The following DIAPH2 variants were observed in gnomAD, a reference collection of about 807,000 sequenced individuals.
The protein encoded by DIAPH2 is protein diaphanous homolog 2.
DIAPH2 carries 35 observed loss-of-function variants against 92.7 expected under a neutral mutation model. The observed-to-expected ratio is 0.38, with a 90% CI of 0.29 to 0.50. DIAPH2 has a LOEUF of 0.50. DIAPH2 is among the 20% of genes least tolerant of loss of function. The probability of loss-of-function intolerance (pLI) is 0.94; values close to 1 mark genes in which losing one functional copy is unlikely to be tolerated. For missense variants in DIAPH2, 701 were observed against 819.5 expected, an observed-to-expected ratio of 0.86 and a Z score of 1.77; for synonymous variants, 301 against 280.4, an observed-to-expected ratio of 1.07 and a Z score of -0.73.
chrX:97,467,904 G>A (rs1239048711), intron 26 of DIAPH2, among the ~76,000 whole-genome samples: 1 of 111,476 alleles, frequency 9.0e-6, no homozygotes, highest in Non-Finnish European at 1.9e-5. Flanking sequence ...AATGTTTGCA[G>A]TGGTATTTGG....
At chrX:96,950,014 G>A (rs1241959013) in intron 15 of DIAPH2, among the ~76,000 whole-genome samples, 1 of 110,592 alleles carries the variant, frequency 9.0e-6, no homozygotes, top group Non-Finnish European at 1.9e-5. Flanking sequence ...CCAATCCGGG[G>A]GCCTTTTCCT....
intron 23 of DIAPH2, among the ~76,000 whole-genome samples, chrX:97,279,255 T>G (rs1346016862): frequency 9.0e-6 from 1 of 110,885 alleles, no homozygotes; most frequent in African/African-American, 3.3e-5. Flanking sequence ...TAAACTAAAT[T>G]GATTTTTTAA....
At chrX:97,566,715 A>T (rs1253969124) in intron 26 of DIAPH2, among the ~76,000 whole-genome samples, 1 of 111,904 alleles carries the variant, frequency 8.9e-6, no homozygotes, top group Non-Finnish European at 1.9e-5. Flanking sequence ...GAAATACAAC[A>T]ACAAAGTAAC....
At chrX:97,479,198 G>A (rs989215175) in intron 26 of DIAPH2, among the ~76,000 whole-genome samples, 1 of 104,489 alleles carries the variant, frequency 9.6e-6, no homozygotes, top group Non-Finnish European at 2.0e-5. Context: ...CTTTCTTCCC[G>A]ACCCCACCCA....
chrX:96,877,125 G>A (rs1380706400), intron 4 of DIAPH2, among the ~76,000 whole-genome samples: 2 of 111,064 alleles, frequency 1.8e-5, no homozygotes, highest in Non-Finnish European at 1.9e-5. Context: ...ACCGCTATCA[G>A]AATAAATAAA....
intron 26 of DIAPH2, among the ~76,000 whole-genome samples, chrX:97,539,795 T>C (rs991042428): frequency 1.8e-5 from 2 of 111,748 alleles, no homozygotes; most frequent in African/African-American, 6.5e-5. Context: ...GAATTAATTC[T>C]ATCTTAAGAC....
rs41310689 is a variant in DIAPH2 at position 96,945,406 on chromosome X, C to T, written c.1445-121C>T. 4,115 of 476,017 alleles carry T rather than the reference C, an allele frequency of 8.6e-3. 26 individuals carry two copies. Among genetic ancestry groups the T allele is most frequent in the Middle Eastern group, 0.012 (29 of 2,440 alleles). The allele number at this position is 476,017 out of a possible 1,213,427, so 39.2% of individuals were successfully genotyped here. A position where few individuals can be genotyped will look rare whatever the true frequency, so the allele number is the denominator to read the frequency against. On this transcript the variant is annotated intron_variant, in intron 13 of 26. Transcript: ENST00000324765. ...TTTTATGTATAGTATAGGTCAATTT[C>T]CATTTAATAAGGGTTGACATAAAAA...
In DIAPH2 at chrX:96,863,267, AT is replaced by A. The variant is rs1204362811; in HGVS notation, c.448-18305del. Reference sequence around the variant, plus strand: ...TTTTTTTTTTTTTTTTTGGTTCTACATTTTTTTCCTGTACTATTTTGTACAG... The same window carrying A: ...TTTTTTTTTTTTTTTTTGGTTCTACATTTTTTCCTGTACTATTTTGTACAG... On this transcript the variant is annotated intron_variant, in intron 4 of 26. Transcript: ENST00000324765. Among the ~76,000 whole-genome samples, 8 of 79,225 alleles carry A rather than the reference AT, an allele frequency of 1.0e-4. No individual in the cohort carries two copies. In the Admixed American group the frequency reaches 1.2e-3, roughly 12 times the overall value. The allele number at this position is 79,225 out of a possible 115,157, so 68.8% of individuals were successfully genotyped here.
chrX:97,369,382 C>G (rs560389082), intron 24 of DIAPH2, among the ~76,000 whole-genome samples: 4 of 110,787 alleles, frequency 3.6e-5, no homozygotes, highest in South Asian at 7.8e-4. Context: ...CTTGAAGTCT[C>G]CAATTTAATC....
intron 17 of DIAPH2, among the ~76,000 whole-genome samples, chrX:96,978,049 A>G (rs1041213316): frequency 2.7e-5 from 3 of 112,007 alleles, no homozygotes; most frequent in African/African-American, 9.7e-5. Flanking sequence ...AAATTGTAAC[A>G]TTGCTGTATA....
At chrX:97,014,595 A>G (rs2147866526) in intron 17 of DIAPH2, among the ~76,000 whole-genome samples, 1 of 112,133 alleles carries the variant, frequency 8.9e-6, no homozygotes, top group East Asian at 2.8e-4. Context: ...TCTGAGAACT[A>G]TAGACATTTG....
At chrX:96,885,368 G>A (rs2065253107) in intron 5 of DIAPH2, 1 of 155,632 alleles carries the variant, frequency 6.4e-6, no homozygotes, top group Non-Finnish European at 1.3e-5. Context: ...TACAGAAAAT[G>A]TAGAAATTTA....
chrX:97,524,618 T>A (rs1331906093), intron 26 of DIAPH2, among the ~76,000 whole-genome samples: 2 of 111,981 alleles, frequency 1.8e-5, no homozygotes, highest in Non-Finnish European at 3.8e-5. Context: ...CTAGAAAAAA[T>A]TCAGAATCTG....
At chrX:96,838,779 C>G (rs2064916207) in intron 4 of DIAPH2, among the ~76,000 whole-genome samples, 1 of 112,011 alleles carries the variant, frequency 8.9e-6, no homozygotes. Flanking sequence ...CTGCTCATTT[C>G]TGTGTGGAAA....
At chrX:97,209,395 A>T (rs1290845410) in intron 22 of DIAPH2, among the ~76,000 whole-genome samples, 5 of 111,611 alleles carry the variant, frequency 4.5e-5, no homozygotes, top group Non-Finnish European at 9.4e-5. Context: ...AATTCAATAA[A>T]ATATAAAAGT....
At chrX:96,903,695 AT>A (rs887989911) in intron 5 of DIAPH2, among the ~76,000 whole-genome samples, 1 of 111,238 alleles carries the variant, frequency 9.0e-6, no homozygotes, top group Admixed American at 9.5e-5. Context: ...TTTTTTGGTA[AT>A]TTTTTCCTCA....
At chrX:97,201,218 C>T (rs1305512241) in intron 22 of DIAPH2, among the ~76,000 whole-genome samples, 9 of 102,439 alleles carry the variant, frequency 8.8e-5, no homozygotes, top group Non-Finnish European at 1.2e-4. Flanking sequence ...GAAAAACCAG[C>T]GCAAAAACTC....
intron 5 of DIAPH2, among the ~76,000 whole-genome samples, chrX:96,885,696 A>T (rs931631304): frequency 9.0e-6 from 1 of 111,088 alleles, no homozygotes; most frequent in Admixed American, 9.6e-5. Flanking sequence ...TACTGTGTTT[A>T]AATAAACCAT....
intron 4 of DIAPH2, among the ~76,000 whole-genome samples, chrX:96,785,163 T>C (rs139638255): frequency 1.6e-3 from 176 of 112,033 alleles, no homozygotes; most frequent in African/African-American, 5.5e-3. Flanking sequence ...TAATCAAATA[T>C]AAGCAGAAAT....
Sources: gnomAD v4.1 joint callset for allele counts (sites outside exome capture counted in the v4.1 genomes callset) on GRCh38, gnomAD v4.1.1 for gene constraint, MANE v1.5 for transcripts, NCBI Gene and HGNC (gene_info 2026-07-23, HGNC 2026-07-21) for gene names.